Variants in DMD observed in about 807,000 individuals in gnomAD.
DMD encodes mutant dystrophin.
DMD carries 63 observed loss-of-function variants against 330.1 expected under a neutral mutation model. The observed-to-expected ratio is 0.19, with a 90% CI of 0.16 to 0.24. DMD has a LOEUF of 0.24. Ranked by LOEUF, DMD falls within the 10% of genes least tolerant of loss-of-function variation. The pLI is 1.00. For synonymous variants in DMD, 1,223 were observed against 959.8 expected (o/e 1.27, Z -5.07); for missense variants, 3,344 against 2,684.1 (o/e 1.25, Z -5.43).
intron 50 of DMD, among the ~76,000 whole-genome samples, chrX:31,812,845 T>C (rs1199235212): frequency 3.6e-5 from 4 of 111,935 alleles, no homozygotes; most frequent in Non-Finnish European, 7.5e-5. Flanking sequence ...ATCTATAAAA[T>C]GGGAATTGCA....
intron 1 of DMD, among the ~76,000 whole-genome samples, chrX:33,190,994 AATATATAATATTATAT>A (rs2050596814): frequency 8.3e-5 from 1 of 12,060 alleles, no homozygotes; most frequent in Non-Finnish European, 1.2e-4. Context: ...ATATATATAT[AATATATAATATTATAT>A]ATATATATAT....
At chrX:33,067,643 C>G (rs898503582) in intron 1 of DMD, among the ~76,000 whole-genome samples, 2 of 111,352 alleles carry the variant, frequency 1.8e-5, no homozygotes, top group South Asian at 7.6e-4. Context: ...GAGTTCCAGA[C>G]TAGCCTGGCC....
intron 44 of DMD, among the ~76,000 whole-genome samples, chrX:32,103,618 A>G (rs1179842902): frequency 8.9e-6 from 1 of 112,425 alleles, no homozygotes; most frequent in African/African-American, 3.2e-5. Flanking sequence ...AAGGCACACT[A>G]TTAATAAACA....
chrX:33,003,793 C>T (rs1341211589), intron 2 of DMD, among the ~76,000 whole-genome samples: 1 of 112,171 alleles, frequency 8.9e-6, no homozygotes. Flanking sequence ...ATTTTAAATG[C>T]TTCTTCCAGA....
chrX:31,573,285 A>C (rs1358436287), intron 55 of DMD, among the ~76,000 whole-genome samples: 1 of 111,921 alleles, frequency 8.9e-6, no homozygotes, highest in African/African-American at 3.2e-5. Flanking sequence ...TAAGTCACAC[A>C]ATTCTAATTT....
chrX:32,133,600 T>C (rs2096710175), intron 44 of DMD, among the ~76,000 whole-genome samples: 1 of 111,281 alleles, frequency 9.0e-6, no homozygotes, highest in South Asian at 3.8e-4. Context: ...CTATCTATAG[T>C]CTTTATTATT....
intron 74 of DMD, among the ~76,000 whole-genome samples, chrX:31,168,947 C>T (rs966191538): frequency 5.4e-5 from 6 of 111,440 alleles, no homozygotes; most frequent in African/African-American, 1.6e-4. Flanking sequence ...GGAATTGTCT[C>T]ACTAACCTGC....
At chrX:31,351,725 CAAAAAAAA>C (rs3061693) in intron 60 of DMD, among the ~76,000 whole-genome samples, 2 of 53,050 alleles carry the variant, frequency 3.8e-5, no homozygotes, top group African/African-American at 1.7e-4. Context: ...GACTCCATCT[CAAAAAAAA>C]AAAAAAAAAA....
intron 1 of DMD, among the ~76,000 whole-genome samples, chrX:33,133,258 T>C (rs1330509827): frequency 9.0e-6 from 1 of 111,489 alleles, no homozygotes; most frequent in Non-Finnish European, 1.9e-5. Flanking sequence ...ATACAGTACA[T>C]CAGGGAACAA....
chrX:32,229,076 G>A (rs200240186), intron 43 of DMD, among the ~76,000 whole-genome samples: 1 of 108,965 alleles, frequency 9.2e-6, no homozygotes, highest in African/African-American at 3.3e-5. Flanking sequence ...AGCTTATAGT[G>A]TATGTTTTTT....
At position 32,716,684 on chromosome X, in the gene DMD, A is replaced by G. The variant is rs375677395; in HGVS notation, c.650-17391T>C. Among the ~76,000 whole-genome samples the G allele has an allele frequency of 9.0e-5, 10 of 111,134 alleles. No individual in the cohort carries two copies. In the South Asian group the frequency reaches 3.8e-3, roughly 43 times the overall value. On this transcript the variant is annotated intron_variant, in intron 7 of 78. Transcript: ENST00000357033. ...CTCAGAAGACAGGAAGATGAGGGAAAGTTTGTAACTTCCTAGAGACTTGAA... is the reference window on the plus strand; with the variant it reads ...CTCAGAAGACAGGAAGATGAGGGAAGGTTTGTAACTTCCTAGAGACTTGAA...
At chrX:32,869,904 C>G (rs1343168078) in intron 2 of DMD, among the ~76,000 whole-genome samples, 2 of 108,216 alleles carry the variant, frequency 1.8e-5, no homozygotes, top group Non-Finnish European at 3.8e-5. Context: ...AAAACCAGCA[C>G]AAGACAAGGA....
intron 9 of DMD, among the ~76,000 whole-genome samples, chrX:32,657,113 A>G (rs1276469727): frequency 9.1e-6 from 1 of 109,325 alleles, no homozygotes; most frequent in Non-Finnish European, 1.9e-5. Context: ...CTTATTTTAT[A>G]TTTTATTCCT....
intron 2 of DMD, among the ~76,000 whole-genome samples, chrX:32,926,291 A>T (rs775572554): frequency 3.8e-4 from 43 of 111,943 alleles, no homozygotes; most frequent in Non-Finnish European, 7.3e-4. Context: ...GTTACCAGAG[A>T]CTGGGAGGAG....
chrX:33,058,594 C>T (rs1010972792), intron 1 of DMD, among the ~76,000 whole-genome samples: 1 of 110,711 alleles, frequency 9.0e-6, no homozygotes, highest in Non-Finnish European at 1.9e-5. Flanking sequence ...TGATCCACTA[C>T]ACCTGGCCTA....
At chrX:31,620,157 CA>C (rs1215810159) in intron 55 of DMD, among the ~76,000 whole-genome samples, 1 of 111,531 alleles carries the variant, frequency 9.0e-6, no homozygotes, top group Non-Finnish European at 1.9e-5. Flanking sequence ...TATTCCTGAG[CA>C]TTATAGTCAG....
At chrX:31,185,660 G>A (rs1368519271) in intron 67 of DMD, among the ~76,000 whole-genome samples, 1 of 111,149 alleles carries the variant, frequency 9.0e-6, no homozygotes, top group Non-Finnish European at 1.9e-5. Context: ...AATAATTCTG[G>A]AATATGATGT....
intron 7 of DMD, among the ~76,000 whole-genome samples, chrX:32,720,676 G>A (rs912430908): frequency 1.8e-5 from 2 of 111,471 alleles, no homozygotes; most frequent in Non-Finnish European, 3.8e-5. Context: ...ATTAGAAAGG[G>A]TTAAGTAGCT....
chrX:33,208,836 T>C (rs1336844304), intron 1 of DMD, among the ~76,000 whole-genome samples: 1 of 110,776 alleles, frequency 9.0e-6, no homozygotes, highest in Admixed American at 9.7e-5. Context: ...AGAAGGAAAG[T>C]TTGGGAAATG....
Sources: gnomAD v4.1 joint callset for allele counts (sites outside exome capture counted in the v4.1 genomes callset) on GRCh38, gnomAD v4.1.1 for gene constraint, MANE v1.5 for transcripts, NCBI Gene and HGNC (gene_info 2026-07-23, HGNC 2026-07-21) for gene names.